Variants in TGM5 observed in about 807,000 individuals in gnomAD.
TGM5 encodes transglutaminase 5.
In TGM5, 69 loss-of-function variants were observed where a neutral mutation model predicts 77.2. The ratio of observed to expected loss-of-function variants is 0.89; its 90% confidence interval spans 0.74 to 1.09. The LOEUF is 1.09. Among genes scored for constraint, TGM5 ranks in the 50% least tolerant of loss-of-function variants. TGM5 has a pLI of 0.00. For missense variants in TGM5, 842 were observed against 896.5 expected (o/e 0.94, Z 0.78); for synonymous variants, 346 against 351.8 (o/e 0.98, Z 0.18).
Position 43,252,832 on chromosome 15 carries a change from C to T in TGM5, c.789G>A (p.Lys263=), listed in dbSNP as rs2042714856. 3 of 1,614,072 alleles carry T rather than the reference C, an allele frequency of 1.9e-6. No homozygotes were observed. Among genetic ancestry groups the T allele is most frequent in the African/African-American group, 2.7e-5 (2 of 75,054 alleles). ...GCTGGCAGCCTGTGGCGTTCCACTGCTTCAGGATGGCCACGCTGCCCGTCC... is the reference window on the plus strand; with the variant it reads ...GCTGGCAGCCTGTGGCGTTCCACTGTTTCAGGATGGCCACGCTGCCCGTCC... ...AEWTGSVAIL[K]QWNATGCQPV... Residue 263 remains lysine (K), a synonymous_variant, in exon 6 of 13, where the codon AAG becomes AAA. Transcript: ENST00000220420.
intron 4 of TGM5, 139 bp downstream of exon 4, chr15:43,256,428 AC>A: frequency 1.3e-6 from 1 of 773,238 alleles, no homozygotes; most frequent in South Asian, 1.4e-5. Context: ...TCCTCGGGCA[AC>A]CTGGGCTCAC....
intron 6 of TGM5, among the ~76,000 whole-genome samples, chr15:43,249,815 G>A (rs1185135709): frequency 6.6e-6 from 1 of 152,238 alleles, no homozygotes; most frequent in South Asian, 2.1e-4. Context: ...CATCTTTGAG[G>A]CACGCAAAGC....
chr15:43,236,959 ACT>A (rs1481695745), intron 9 of TGM5, among the ~76,000 whole-genome samples: 1 of 133,652 alleles, frequency 7.5e-6, no homozygotes, highest in Non-Finnish European at 1.6e-5. Flanking sequence ...ACAGAGCAAG[ACT>A]CTGTCTCAAA....
In TGM5 at chr15:43,235,779, G is replaced by A. The variant is rs945183587; in HGVS notation, c.1404C>T (p.Ser468=). The change falls in exon 10 of 13, where the codon AGC becomes AGT. Residue 468 remains serine, a synonymous_variant. Coordinates refer to ENST00000220420, the MANE Select transcript of TGM5 (RefSeq NM_201631.4). ...CTGCTCCTCTTTGGGAGCCATGGAAGCTTCTAGCCTTCAGCTTCTGCAGAG... is the reference window on the plus strand; with the variant it reads ...CTGCTCCTCTTTGGGAGCCATGGAAACTTCTAGCCTTCAGCTTCTGCAGAG... The part of the protein sequence containing the change: ...LKALQKLKAR[S]FHGSQRGAEL... 1 of 1,614,190 alleles carries A rather than the reference G, an allele frequency of 6.2e-7. No homozygotes were observed.
chr15:43,248,559 C>T (rs1242361933), intron 6 of TGM5, among the ~76,000 whole-genome samples: 1 of 152,208 alleles, frequency 6.6e-6, no homozygotes, highest in East Asian at 1.9e-4. Flanking sequence ...TAATAGCTAA[C>T]ATTTAGATAA....
chr15:43,256,722 G>A (rs747515167), intron 3 of TGM5, 36 bp from the exon 4 acceptor site: 2 of 1,469,078 alleles, frequency 1.4e-6, no homozygotes, highest in East Asian at 4.5e-5. Context: ...AAGCAGAAAA[G>A]TCACCTTTCC....
chr15:43,252,831 G>C lies in TGM5; in HGVS notation c.790C>G (p.Gln264Glu). 1.2e-6 allele frequency: 2 copies of C among 1,614,024 alleles called. No homozygotes were observed. Among genetic ancestry groups the C allele is most frequent in the East Asian group, 2.2e-5 (1 of 44,894 alleles). ...GGCTGGCAGCCTGTGGCGTTCCACT[G>C]CTTCAGGATGGCCACGCTGCCCGTC... The part of the protein sequence containing the change: ...EWTGSVAILK[Q>E]WNATGCQPVR... Residue 264 changes from glutamine (Q) to glutamate (E), a missense_variant, in exon 6 of 13, where the codon CAG becomes GAG. By Grantham distance (29) the Gln-to-Glu change is conservative. Transcript: ENST00000220420.
chr15:43,261,122 C>T (rs1192605158), intron 1 of TGM5, among the ~76,000 whole-genome samples: 26 of 102,594 alleles, frequency 2.5e-4, no homozygotes, highest in African/African-American at 1.2e-3. Flanking sequence ...CAGAGTCTCA[C>T]ACTGTTGCCC....
intron 11 of TGM5, among the ~76,000 whole-genome samples, chr15:43,233,913 C>G (rs866416684): frequency 6.6e-6 from 1 of 152,132 alleles, no homozygotes; most frequent in South Asian, 2.1e-4. Flanking sequence ...ACAAAGGTGT[C>G]CCCCCTCCCC....
chr15:43,253,742 G>A, intron 4 of TGM5, 108 bp from the exon 5 acceptor site: 1 of 1,464,416 alleles, frequency 6.8e-7, no homozygotes, highest in Non-Finnish European at 9.4e-7. Flanking sequence ...TCACTTGGAA[G>A]GTAACTGTGT....
Position 43,260,270 on chromosome 15 carries a change from G to A in TGM5, c.218C>T (p.Thr73Ile), listed in dbSNP as rs756507040. The change falls in exon 3 of 13, where the codon ACT becomes ATT. Residue 73 changes from threonine (T) to isoleucine (I), a missense_variant. Thr to Ile is a moderately conservative substitution (Grantham distance 89). Coordinates refer to ENST00000220420, the MANE Select transcript of TGM5 (RefSeq NM_201631.4). ...GCGTGCCAGGCTGAACACAGCCCGA[G>A]TCCCCAAGGCCAGGTCTGGCAGCGG... ...TGPLPDLALG[T>I]RAVFSLARHH... 2 of 1,614,052 alleles carry A rather than the reference G, an allele frequency of 1.2e-6. No homozygotes were observed. The highest frequency in any genetic ancestry group is 8.5e-7 in the Non-Finnish European group (1 of 1,180,028).
intron 1 of TGM5, 154 bp from the exon 2 acceptor site, chr15:43,260,733 A>T (rs769319069): frequency 1.2e-6 from 1 of 811,294 alleles, no homozygotes; most frequent in Non-Finnish European, 2.1e-6. Flanking sequence ...GCCTGCCAGG[A>T]TGAGGATAAG....
chr15:43,235,836 T>A lies in TGM5; in HGVS notation c.1347A>T (p.Gly449=). The stretch of plus-strand genomic sequence containing the variant: ...GAAACACCTGCCTCTCCTGGAGGGA[T>A]CCTGAAGTTGGGGAGAGCACAGCAC... ...DITENYKYEE[G]SLQERQVFLK... is the part of the protein sequence containing the mutation. The change falls in exon 10 of 13, where the codon GGA becomes GGT. Residue 449 remains glycine (G), a splice_region_variant and synonymous_variant. Transcript: ENST00000220420. 6.2e-7 allele frequency: 1 copy of A among 1,613,770 alleles called. No individual in the cohort carries two copies. Among genetic ancestry groups the A allele is most frequent in the Non-Finnish European group, 8.5e-7 (1 of 1,180,012 alleles).
At position 43,239,168 on chromosome 15, in the gene TGM5, C is replaced by T. The variant is rs1170356220; in HGVS notation, c.1100G>A (p.Ser367Asn). ...QVLDATPQEMSNGVYCCGPAS... is the reference protein window; with the variant it reads ...QVLDATPQEMNNGVYCCGPAS... ...TTTCTTCTGGAGAGCCTCACCGTTG[C>T]TCATCTCCTGAGGTGTGGCGTCCAG... is the stretch of plus-strand genomic sequence containing the variant. The change falls in exon 8 of 13, where the codon AGC becomes AAC. Residue 367 changes from serine to asparagine, a missense_variant. Around this residue, in one of 2 missense-constraint regions of TGM5, gnomAD observed 815 missense variants for 844.6 expected, o/e 0.96. Coordinates refer to ENST00000220420, the MANE Select transcript of TGM5 (RefSeq NM_201631.4). 1.9e-6 allele frequency: 3 copies of T among 1,614,126 alleles called. No homozygotes were observed. The highest frequency in any genetic ancestry group is 2.5e-6 in the Non-Finnish European group (3 of 1,180,030).
chr15:43,240,893 G>A lies in TGM5; in HGVS notation c.960C>T (p.Asn320=), dbSNP rs34222269. ...GNLIIDEYYD[N]TGRILGNKKK... ...TCTTATTCCCCAAAATCCTGCCTGT[G>A]TTGTCATAATACTCATCTATGATCA... is the stretch of plus-strand genomic sequence containing the variant. Residue 320 remains asparagine, a synonymous_variant, in exon 7 of 13, where the codon AAC becomes AAT. Transcript: ENST00000220420. 7.6e-3 allele frequency: 12,308 copies of A among 1,614,122 alleles called. 632 individuals are homozygous for A. In the African/African-American group the frequency reaches 0.12, roughly 16 times the overall value.
At position 43,234,808 on chromosome 15, in the gene TGM5, G is replaced by T. The variant is rs765845620; in HGVS notation, c.1836C>A (p.Asn612Lys). 1 of 1,614,240 alleles carries T rather than the reference G, an allele frequency of 6.2e-7. No homozygotes were observed. The highest frequency in any genetic ancestry group is 8.5e-7 in the Non-Finnish European group (1 of 1,180,036). The change falls in exon 11 of 13, where the codon AAC becomes AAA. Residue 612 changes from asparagine to lysine, a missense_variant. Around this residue, in one of 2 missense-constraint regions of TGM5, gnomAD observed 815 missense variants for 844.6 expected, o/e 0.96. Coordinates refer to ENST00000220420, the MANE Select transcript of TGM5 (RefSeq NM_201631.4). ...EKSSPEKILV[N>K]KIITLSYPSI... The stretch of plus-strand genomic sequence containing the variant: ...TTGGATAAGATAAGGTGATGATCTT[G>T]TTCACCAGGATTTTCTCAGGACTGC...
chr15:43,246,472 C>T (rs1179896879), intron 6 of TGM5, among the ~76,000 whole-genome samples: 1 of 152,192 alleles, frequency 6.6e-6, no homozygotes, highest in Non-Finnish European at 1.5e-5. Context: ...GGAAGCACTA[C>T]TTTTGTTGTC....
intron 10 of TGM5, 145 bp downstream of exon 10, chr15:43,235,324 A>G (rs1300230472): frequency 2.9e-6 from 3 of 1,044,826 alleles, no homozygotes; most frequent in Non-Finnish European, 4.3e-6. Context: ...GGGGAAGGAG[A>G]AGAGGGAAGG....
chr15:43,238,773 C>A, intron 9 of TGM5, 44 bp downstream of exon 9: 1 of 1,608,744 alleles, frequency 6.2e-7, no homozygotes, highest in Non-Finnish European at 8.5e-7. Flanking sequence ...GGGGAAGGTT[C>A]CTGCAGGGCT....
Sources: gnomAD v4.1 joint callset for allele counts (sites outside exome capture counted in the v4.1 genomes callset) on GRCh38, gnomAD v4.1.1 for gene constraint, gnomAD v4.1.1 regional missense constraint, MANE v1.5 for transcripts, NCBI Gene and HGNC (gene_info 2026-07-23, HGNC 2026-07-21) for gene names.